The following AKAP6 variants were observed in gnomAD, a reference collection of about 807,000 sequenced individuals.
AKAP6 encodes A-kinase anchor protein 6.
A neutral mutation model predicts 188.5 loss-of-function variants in AKAP6; 58 were observed. The ratio of observed to expected loss-of-function variants is 0.31; its 90% CI spans 0.25 to 0.38. The LOEUF is 0.38. Ranked by LOEUF, AKAP6 falls within the 10% of genes least tolerant of loss-of-function variation. The probability of loss-of-function intolerance (pLI) is 1.00; values close to 1 mark genes in which losing one functional copy is unlikely to be tolerated. For missense variants in AKAP6, 2,710 were observed against 2,740.0 expected, an observed-to-expected ratio of 0.99 and a Z score of 0.24; for synonymous variants, 989 against 998.6, an observed-to-expected ratio of 0.99 and a Z score of 0.18.
intron 1 of AKAP6, among the ~76,000 whole-genome samples, chr14:32,337,379 G>A (rs1436762089): frequency 6.6e-6 from 1 of 152,066 alleles, no homozygotes; most frequent in African/African-American, 2.4e-5. Flanking sequence ...ACACTGTAGA[G>A]GAACACCTGC....
At chr14:32,552,154 A>G (rs1883504244) in intron 4 of AKAP6, among the ~76,000 whole-genome samples, 1 of 152,240 alleles carries the variant, frequency 6.6e-6, no homozygotes, top group African/African-American at 2.4e-5. Context: ...GAATGACTGA[A>G]TCCCCATTTT....
At chr14:32,393,862 G>A (rs1185346560) in intron 1 of AKAP6, among the ~76,000 whole-genome samples, 1 of 152,016 alleles carries the variant, frequency 6.6e-6, no homozygotes, top group African/African-American at 2.4e-5. Context: ...TGTATTTGAA[G>A]TTATTTGTTT....
chr14:32,684,153 A>G (rs1594844621), intron 8 of AKAP6, among the ~76,000 whole-genome samples: 1 of 151,936 alleles, frequency 6.6e-6, no homozygotes, highest in South Asian at 2.1e-4. Flanking sequence ...ACTGGAGCTC[A>G]GAAATGTTTT....
At chr14:32,512,448 A>G (rs1881308539) in intron 2 of AKAP6, among the ~76,000 whole-genome samples, 1 of 152,210 alleles carries the variant, frequency 6.6e-6, no homozygotes, top group African/African-American at 2.4e-5. Context: ...CTTAGCTGGC[A>G]ACTGATTTCA....
chr14:32,638,853 C>T (rs766158805), intron 7 of AKAP6, among the ~76,000 whole-genome samples: 114 of 151,812 alleles, frequency 7.5e-4, no homozygotes, highest in Admixed American at 2.4e-3. Flanking sequence ...TAATATACAA[C>T]ATAATATAAC....
At chr14:32,821,293 G>T in intron 12 of AKAP6, 109 bp from the exon 13 acceptor site, 1 of 1,229,162 alleles carries the variant, frequency 8.1e-7, no homozygotes, top group Non-Finnish European at 1.1e-6. Context: ...TCAAGTCCAT[G>T]CTTGGGGCAG....
chr14:32,687,629 G>C (rs1384377914), intron 8 of AKAP6, among the ~76,000 whole-genome samples: 1 of 152,034 alleles, frequency 6.6e-6, no homozygotes, highest in East Asian at 1.9e-4. Context: ...CTCACATATA[G>C]ATTAAATCAC....
At chr14:32,531,112 G>C (rs1348891243) in intron 2 of AKAP6, among the ~76,000 whole-genome samples, 1 of 152,148 alleles carries the variant, frequency 6.6e-6, no homozygotes, top group African/African-American at 2.4e-5. Context: ...ATACATTTTG[G>C]TCTGTGAGTA....
At chr14:32,458,857 G>A (rs528090384) in intron 2 of AKAP6, among the ~76,000 whole-genome samples, 1 of 152,074 alleles carries the variant, frequency 6.6e-6, no homozygotes. Flanking sequence ...AAGAATTTCA[G>A]GAATGAAGAC....
At position 32,568,825 on chromosome 14, in the gene AKAP6, G is replaced by A. The variant is rs1356622690; in HGVS notation, c.2347-8295G>A. On this transcript the variant is annotated intron_variant, in intron 4 of 13. Coordinates refer to ENST00000280979, the MANE Select transcript of AKAP6 (RefSeq NM_004274.5). This position sits in a 1 kb window ranked among gnomAD's most constrained non-coding sequence, Gnocchi z 6.2. ...TGTAAGTGCCTGGTGTGTAGTAAGT[G>A]CTCAGTTAATGTTAACCTATTGTTT... 6.6e-6 allele frequency among the ~76,000 whole-genome samples: 1 copy of A among 152,154 alleles called. No individual in the cohort carries two copies. Among genetic ancestry groups the A allele is most frequent in the East Asian group, 1.9e-4 (1 of 5,192 alleles).
intron 3 of AKAP6, among the ~76,000 whole-genome samples, chr14:32,539,993 G>A (rs1290885250): frequency 6.6e-6 from 1 of 151,524 alleles, no homozygotes; most frequent in Non-Finnish European, 1.5e-5. Flanking sequence ...TCAGTTGGTG[G>A]CGAAACATAG....
intron 11 of AKAP6, among the ~76,000 whole-genome samples, chr14:32,756,567 C>T (rs1245567909): frequency 6.6e-6 from 1 of 151,900 alleles, no homozygotes; most frequent in Non-Finnish European, 1.5e-5. Flanking sequence ...GGGTTCTAGC[C>T]TGGTACCTGG....
intron 2 of AKAP6, among the ~76,000 whole-genome samples, chr14:32,509,860 A>G (rs747046079): frequency 6.6e-6 from 1 of 151,898 alleles, no homozygotes; most frequent in Non-Finnish European, 1.5e-5. Flanking sequence ...GGTCATTCCA[A>G]CCTTGGTGTC....
At chr14:32,430,558 A>G (rs950484105) in intron 1 of AKAP6, among the ~76,000 whole-genome samples, 14 of 152,002 alleles carry the variant, frequency 9.2e-5, no homozygotes, top group African/African-American at 3.4e-4. Flanking sequence ...TTTTGCGGTG[A>G]GTGTGTATGT....
intron 9 of AKAP6, among the ~76,000 whole-genome samples, chr14:32,702,063 T>C (rs1890640891): frequency 6.6e-6 from 1 of 152,148 alleles, no homozygotes; most frequent in Admixed American, 6.5e-5. Context: ...ATTGAAGCAG[T>C]CAAGGTAAAA....
intron 2 of AKAP6, among the ~76,000 whole-genome samples, chr14:32,452,457 G>A (rs993271561): frequency 3.9e-5 from 6 of 152,128 alleles, no homozygotes; most frequent in Non-Finnish European, 7.4e-5. Context: ...AAAAAGTGTG[G>A]TGATTATTTT....
intron 7 of AKAP6, among the ~76,000 whole-genome samples, chr14:32,622,759 G>C (rs17099360): frequency 0.024 from 3,612 of 152,172 alleles, 149 homozygotes; most frequent in African/African-American, 0.083. Flanking sequence ...CCACGAGCTG[G>C]GCTACAGTGA....
intron 9 of AKAP6, among the ~76,000 whole-genome samples, chr14:32,721,070 A>T (rs115217881): frequency 6.6e-6 from 1 of 152,198 alleles, no homozygotes; most frequent in Non-Finnish European, 1.5e-5. Flanking sequence ...CAGATATTAC[A>T]TAATTGCATA....
chr14:32,824,948 A>G, intron 13 of AKAP6, 133 bp downstream of exon 13: 1 of 586,524 alleles, frequency 1.7e-6, no homozygotes, highest in East Asian at 3.0e-5. Flanking sequence ...TTTAGGTAGA[A>G]GAAATGCTCT....
Sources: allele counts gnomAD v4.1 joint callset (sites outside exome capture counted in the v4.1 genomes callset), GRCh38; gene constraint gnomAD v4.1.1; non-coding constraint Gnocchi (gnomAD v3.1); transcripts MANE v1.5; gene names NCBI Gene and HGNC (gene_info 2026-07-23, HGNC 2026-07-21).